The following EPHA8 variants were observed in gnomAD, a reference collection of about 807,000 sequenced individuals.
The protein encoded by EPHA8 is EPH receptor A8.
In EPHA8, 58 loss-of-function variants were observed where a neutral mutation model predicts 103.6. The observed-to-expected ratio is 0.56, with a 90% confidence interval of 0.45 to 0.70. The LOEUF (loss-of-function observed/expected upper bound fraction) is 0.70, where lower values mean the gene tolerates loss of function less well. Among genes scored for constraint, EPHA8 ranks in the 30% least tolerant of loss-of-function variants. The pLI is 0.00. For missense variants in EPHA8, 1,304 were observed against 1,395.2 expected (o/e 0.93, Z 1.04); for synonymous variants, 559 against 572.5 (o/e 0.98, Z 0.34).
In EPHA8 at chr1:22,598,244, C is replaced by T. The variant is rs757641728; in HGVS notation, c.2178+32C>T. On this transcript the variant is annotated intron_variant, in intron 12 of 16. Coordinates refer to ENST00000166244, the MANE Select transcript of EPHA8 (RefSeq NM_020526.5). This position sits in a 1 kb window ranked among gnomAD's most constrained non-coding sequence, Gnocchi z 5.1. ...GTCCCACCCCTGCCTCTTGCATGGG[C>T]TTGGGGAGGGAGGTCCAGTCTGGGT... The T allele has an allele frequency of 6.2e-7, 1 of 1,604,064 alleles. No homozygotes were observed. Among genetic ancestry groups the T allele is most frequent in the South Asian group, 1.1e-5 (1 of 90,590 alleles).
chr1:22,578,472 ATGTGCATGAGTGTGTGCATG>A (rs1557560760), intron 3 of EPHA8, among the ~76,000 whole-genome samples: 9 of 140,794 alleles, frequency 6.4e-5, no homozygotes. Flanking sequence ...ATGTGTGTGC[ATGTGCATGAGTGTGTGCATG>A]TGTGCATGAG....
At chr1:22,577,769 AGT>A (rs777473717) in intron 3 of EPHA8, among the ~76,000 whole-genome samples, 15 of 146,030 alleles carry the variant, frequency 1.0e-4, no homozygotes, top group South Asian at 6.8e-4. Flanking sequence ...GGTGTGCATG[AGT>A]GTGTGTGTGC....
chr1:22,570,787 C>T (rs1433688131), intron 2 of EPHA8, among the ~76,000 whole-genome samples: 1 of 152,258 alleles, frequency 6.6e-6, no homozygotes, highest in Admixed American at 6.5e-5. Context: ...TGACCCAGCA[C>T]CACTGCCTGA....
At position 22,563,921 on chromosome 1, in the gene EPHA8, C is replaced by T; in HGVS notation, c.94+192C>T. Among the ~76,000 whole-genome samples, 1 of 151,950 alleles carries T rather than the reference C, an allele frequency of 6.6e-6. No homozygotes were observed. Among genetic ancestry groups the T allele is most frequent in the East Asian group, 1.9e-4 (1 of 5,136 alleles). ...ACAGAGCGGTGGAGATGGGAACCCG[C>T]GAGCTTGAGGAAGACGGACAGGTAC... On this transcript the variant is annotated intron_variant, in intron 1 of 16. Coordinates refer to ENST00000166244, the MANE Select transcript of EPHA8 (RefSeq NM_020526.5). This position sits in a 1 kb window ranked among gnomAD's most constrained non-coding sequence, Gnocchi z 4.4.
intron 5 of EPHA8, among the ~76,000 whole-genome samples, chr1:22,591,177 G>T (rs888547313): frequency 3.3e-5 from 5 of 152,070 alleles, no homozygotes; most frequent in Admixed American, 1.3e-4. Flanking sequence ...ATCACTTGAG[G>T]CCAGGAGTTT....
intron 4 of EPHA8, among the ~76,000 whole-genome samples, chr1:22,587,243 C>T (rs925443099): frequency 2.6e-5 from 4 of 152,190 alleles, no homozygotes; most frequent in South Asian, 2.1e-4. Flanking sequence ...AAATGTGTGA[C>T]GTGTAGTTGA....
rs1030082477 is a variant in EPHA8, at chr1:22,567,302, C to T, written c.95-1987C>T. Among the ~76,000 whole-genome samples, 2 of 152,250 alleles carry T rather than the reference C, an allele frequency of 1.3e-5. No individual in the cohort carries two copies. Among genetic ancestry groups the T allele is most frequent in the Non-Finnish European group, 2.9e-5 (2 of 68,004 alleles). On this transcript the variant is annotated intron_variant, in intron 1 of 16. Transcript: ENST00000166244. This position sits in a 1 kb window ranked among gnomAD's most constrained non-coding sequence, Gnocchi z 4.2. ...TCCCTCACCATCTCCCCAAACTCGG[C>T]TTTGCTGGTCTGGGGGAAACTGCAG...
At chr1:22,590,927 G>A (rs1294045644) in intron 5 of EPHA8, among the ~76,000 whole-genome samples, 1 of 151,948 alleles carries the variant, frequency 6.6e-6, no homozygotes, top group Non-Finnish European at 1.5e-5. Flanking sequence ...TGTCATCCTT[G>A]ACTCTCATGC....
chr1:22,601,579 C>A, intron 16 of EPHA8, 48 bp from the exon 17 acceptor site: 1 of 1,581,316 alleles, frequency 6.3e-7, no homozygotes, highest in Non-Finnish European at 8.6e-7. Context: ...GCGTGCGCGG[C>A]TCCCAGCCTC....
intron 3 of EPHA8, among the ~76,000 whole-genome samples, chr1:22,583,389 A>T (rs1458164331): frequency 6.6e-6 from 1 of 152,220 alleles, no homozygotes; most frequent in Non-Finnish European, 1.5e-5. Flanking sequence ...GTGTGTGAGA[A>T]CTGCCGACTG....
At chr1:22,578,080 T>TGTGTGCATGTAGCGTCA (rs1640804619) in intron 3 of EPHA8, among the ~76,000 whole-genome samples, 1 of 81,868 alleles carries the variant, frequency 1.2e-5, no homozygotes. Context: ...TATGTATGCA[T>TGTGTGCATGTAGCGTCA]GTGTGTGCAT....
rs376937106 is a variant in EPHA8, at chr1:22,599,026, G to A, written c.2367G>A (p.Pro789=). The part of the protein sequence containing the change: ...FGLSRVLEDD[P]DAAYTTTGGK... ...TCTCACGGGTGCTGGAGGACGACCC[G>A]GATGCTGCCTACACCACCACGGTGC... The change falls in exon 13 of 17, where the codon CCG becomes CCA. Residue 789 remains proline, a synonymous_variant. Coordinates refer to ENST00000166244, the MANE Select transcript of EPHA8 (RefSeq NM_020526.5). The A allele has an allele frequency of 5.7e-5, 92 of 1,607,966 alleles. No individual in the cohort carries two copies. The highest frequency in any genetic ancestry group is 2.8e-4 in the South Asian group (25 of 89,774).
chr1:22,598,799 G>C lies in EPHA8; in HGVS notation c.2179-39G>C, dbSNP rs664340. On this transcript the variant is annotated intron_variant, in intron 12 of 16. Coordinates refer to ENST00000166244, the MANE Select transcript of EPHA8 (RefSeq NM_020526.5). The surrounding 1 kb of genome is among the most constrained non-coding windows in gnomAD (Gnocchi z 5.1). ...TTCCTGTTCACGGACCAGGCGCCTC[G>C]CCGGGCTTTCCTGAAGTCCAAGCCA... is the stretch of plus-strand genomic sequence containing the variant. 370 of 1,596,342 alleles carry C rather than the reference G, an allele frequency of 2.3e-4. 1 individual carries two copies. The highest frequency in any genetic ancestry group is 3.1e-4 in the Non-Finnish European group (363 of 1,168,846).
Position 22,597,494 on chromosome 1 carries a change from T to C in EPHA8, c.1930+18T>C, listed in dbSNP as rs1362247963. ...CGGCTCTGGTGAGTCTCAGGGGTTG[T>C]GAGGGCGGGGCCAGCATGGGGCAAG... On this transcript the variant is annotated intron_variant, in intron 10 of 16. Transcript: ENST00000166244. The surrounding 1 kb of genome is among the most constrained non-coding windows in gnomAD (Gnocchi z 4.6). The C allele has an allele frequency of 1.2e-6, 2 of 1,607,786 alleles. No individual in the cohort carries two copies.
rs753076516 is a variant in EPHA8, at chr1:22,586,649, C to T, written c.979+14C>T. 45 of 1,612,820 alleles carry T rather than the reference C, an allele frequency of 2.8e-5. No individual in the cohort carries two copies. Among genetic ancestry groups the T allele is most frequent in the South Asian group, 1.8e-4 (16 of 91,012 alleles). ...CAGCCTGCACCCGTGAGTACCACTC[C>T]GAGATGCCAGTACCCTTGAGCCCAA... On this transcript the variant is annotated intron_variant, in intron 4 of 16. Coordinates refer to ENST00000166244, the MANE Select transcript of EPHA8 (RefSeq NM_020526.5).
intron 5 of EPHA8, among the ~76,000 whole-genome samples, chr1:22,591,961 G>A (rs532412124): frequency 1.3e-5 from 2 of 152,274 alleles, no homozygotes; most frequent in Admixed American, 1.3e-4. Context: ...CTGTTTATTG[G>A]ACGCCCTGTC....
At chr1:22,596,678 C>G (rs1641529068) in intron 9 of EPHA8, among the ~76,000 whole-genome samples, 1 of 145,682 alleles carries the variant, frequency 6.9e-6, no homozygotes, top group Admixed American at 6.8e-5. Flanking sequence ...TTTTTTTTTT[C>G]TGAGACAGAG....
chr1:22,601,620 T>C lies in EPHA8; in HGVS notation c.2904-7T>C. 6.3e-7 allele frequency: 1 copy of C among 1,588,014 alleles called. No homozygotes were observed. On this transcript the variant is annotated splice_polypyrimidine_tract_variant and splice_region_variant and intron_variant, in intron 16 of 16. Coordinates refer to ENST00000166244, the MANE Select transcript of EPHA8 (RefSeq NM_020526.5). ...CCCAGCTGGCCAGCAGCACCCTTCC[T>C]TCACAGGGACGTGCGCGCCCTGGGC... is the stretch of plus-strand genomic sequence containing the variant.
At position 22,586,684 on chromosome 1, in the gene EPHA8, G is replaced by A. The variant is rs564697923; in HGVS notation, c.979+49G>A. ...GTACCCTTGAGCCCAAGACTGGGCC[G>A]GGCCCCTGTGTTTGGTCCTCCAGGC... On this transcript the variant is annotated intron_variant, in intron 4 of 16. Coordinates refer to ENST00000166244, the MANE Select transcript of EPHA8 (RefSeq NM_020526.5). 19 of 1,593,906 alleles carry A rather than the reference G, an allele frequency of 1.2e-5. 1 individual carries two copies. The highest frequency in any genetic ancestry group is 8.9e-5 in the South Asian group (8 of 89,544).
Sources: gnomAD v4.1 joint callset for allele counts (sites outside exome capture counted in the v4.1 genomes callset) on GRCh38, gnomAD v4.1.1 for gene constraint, Gnocchi (gnomAD v3.1) non-coding constraint, MANE v1.5 for transcripts, NCBI Gene and HGNC (gene_info 2026-07-23, HGNC 2026-07-21) for gene names.